NGFR: variants seen among roughly 807,000 people sequenced by gnomAD.
NGFR encodes tumor necrosis factor receptor superfamily member 16.
Under a neutral mutation model 43.2 loss-of-function variants are expected in NGFR, and 30 were observed. The observed-to-expected ratio is 0.69, with a 90% CI of 0.52 to 0.94. The LOEUF (loss-of-function observed/expected upper bound fraction) is 0.94, where lower values mean the gene tolerates loss of function less well. Ranked by LOEUF, NGFR falls within the 40% of genes least tolerant of loss-of-function variation. The pLI, the probability that NGFR is intolerant of heterozygous loss-of-function variation, is 0.00. For synonymous variants in NGFR, 246 were observed against 259.6 expected (o/e 0.95, Z 0.50); for missense variants, 529 against 602.5 (o/e 0.88, Z 1.28).
At chr17:49,504,449 G>A (rs994035363) in intron 2 of NGFR, among the ~76,000 whole-genome samples, 7 of 152,186 alleles carry the variant, frequency 4.6e-5, no homozygotes, top group Admixed American at 6.5e-5. Flanking sequence ...CCACCCCCAT[G>A]GGGCCCAATC....
In NGFR at chr17:49,513,140, T is replaced by A. The variant is rs1320365767; in HGVS notation, c.*131T>A. On this transcript the variant is annotated 3_prime_UTR_variant, in exon 6 of 6. Transcript: ENST00000172229. ...GAACTGAGCTCCTCTGGGCAGGACC[T>A]CAGAGTCCAGGCCCCAAAACCACAG... 3 of 1,016,616 alleles carry A rather than the reference T, an allele frequency of 3.0e-6. No individual in the cohort carries two copies. Among genetic ancestry groups the A allele is most frequent in the Non-Finnish European group, 2.8e-6 (2 of 720,074 alleles). The allele number at this position is 1,016,616 out of a possible 1,614,324, so 63.0% of individuals were successfully genotyped here.
At chr17:49,506,055 G>A in intron 2 of NGFR, 3 of 649,362 alleles carry the variant, frequency 4.6e-6, no homozygotes, top group South Asian at 3.5e-5. Flanking sequence ...AAAGCCTCCC[G>A]GCCGGCCAGT....
At chr17:49,511,792 G>T (rs1025321363) in intron 4 of NGFR, 100 bp from the exon 5 acceptor site, 164 of 1,370,876 alleles carry the variant, frequency 1.2e-4, no homozygotes, top group Non-Finnish European at 1.5e-4. Context: ...TTGGGCACCC[G>T]CCATGCCCCT....
chr17:49,511,962 G>A lies in NGFR; in HGVS notation c.892G>A (p.Gly298Arg), dbSNP rs139863693. ...RPVNQTPPPE[G>R]EKLHSDSGIS... ...AGTGAACCAGACGCCCCCACCAGAG[G>A]GAGAAAAACTCCACAGCGACAGTGG... The change falls in exon 5 of 6, where the codon GGA becomes AGA. Residue 298 changes from glycine (G) to arginine (R), a missense_variant. By Grantham distance (125) the Gly-to-Arg change is moderately radical. Coordinates refer to ENST00000172229, the MANE Select transcript of NGFR (RefSeq NM_002507.4). 2.4e-5 allele frequency: 39 copies of A among 1,613,538 alleles called. No homozygotes were observed. Among genetic ancestry groups the A allele is most frequent in the Non-Finnish European group, 3.2e-5 (38 of 1,179,864 alleles).
Position 49,514,873 on chromosome 17 carries a change from G to A in NGFR, c.*1864G>A, listed in dbSNP as rs1248600684. ...GAACCCTTTTGGCCCCCGAGCTGGG[G>A]GCCATGAGCTCCAGACCCCCAGCAA... On this transcript the variant is annotated 3_prime_UTR_variant, in exon 6 of 6. Transcript: ENST00000172229. 6.6e-6 allele frequency: 1 copy of A among 151,832 alleles called. No individual in the cohort carries two copies. The allele number at this position is 151,832 out of a possible 1,614,324, so 9.4% of individuals were successfully genotyped here. A position where few individuals can be genotyped will look rare whatever the true frequency, so the allele number is the denominator to read the frequency against.
rs1446727791 is a variant in NGFR, at chr17:49,512,614, AC to A, written c.983-93del. The A allele has an allele frequency of 6.9e-7, 1 of 1,449,136 alleles. No individual in the cohort carries two copies. The highest frequency in any genetic ancestry group is 9.3e-7 in the Non-Finnish European group (1 of 1,077,428). The allele number at this position is 1,449,136 out of a possible 1,614,324, so 89.8% of individuals were successfully genotyped here. ...CCCAGGCCTCCAGATGGGGAGGAGC[AC>A]TGCCTCGGCCCTTCTTGGGTCTCAC... On this transcript the variant is annotated intron_variant, in intron 5 of 5. Coordinates refer to ENST00000172229, the MANE Select transcript of NGFR (RefSeq NM_002507.4). This position sits in a 1 kb window ranked among gnomAD's most constrained non-coding sequence, Gnocchi z 5.2.
Position 49,506,642 on chromosome 17 carries a change from C to A in NGFR, c.552C>A (p.Ala184=). The change falls in exon 3 of 6, where the codon GCC becomes GCA. Residue 184 remains alanine, a synonymous_variant. Transcript: ENST00000172229. ...ERQLRECTRW[A]DAECEEIPGR... ...AGCTCCGCGAGTGCACACGCTGGGC[C>A]GACGCCGAGTGCGAGGGTGAGTGCG... is the stretch of plus-strand genomic sequence containing the variant. 1 of 1,439,446 alleles carries A rather than the reference C, an allele frequency of 6.9e-7. No homozygotes were observed. The highest frequency in any genetic ancestry group is 9.3e-7 in the Non-Finnish European group (1 of 1,078,208). The allele number at this position is 1,439,446 out of a possible 1,614,324, so 89.2% of individuals were successfully genotyped here.
chr17:49,512,119 A>G lies in NGFR; in HGVS notation c.982+67A>G. 3.2e-6 allele frequency: 5 copies of G among 1,554,832 alleles called. No individual in the cohort carries two copies. Among genetic ancestry groups the G allele is most frequent in the Non-Finnish European group, 4.4e-6 (5 of 1,147,928 alleles). On this transcript the variant is annotated intron_variant, in intron 5 of 5. Coordinates refer to ENST00000172229, the MANE Select transcript of NGFR (RefSeq NM_002507.4). This position sits in a 1 kb window ranked among gnomAD's most constrained non-coding sequence, Gnocchi z 5.2. ...TGAGGAAACAGAAGCAATTAAGATT[A>G]GACTCCAGGAAGGACTGTCGGGGGG...
At position 49,514,534 on chromosome 17, in the gene NGFR, C is replaced by T. The variant is rs975406258; in HGVS notation, c.*1525C>T. ...TTGCCTGAAGTTGGAGTGAGTGTGG[C>T]TCCCCTCTATTTAGCATGACAAGCC... On this transcript the variant is annotated 3_prime_UTR_variant, in exon 6 of 6. Transcript: ENST00000172229. 2 of 152,266 alleles carry T rather than the reference C, an allele frequency of 1.3e-5. No individual in the cohort carries two copies. Among genetic ancestry groups the T allele is most frequent in the African/African-American group, 4.8e-5 (2 of 41,434 alleles). 9.4% of individuals were successfully genotyped at this position (152,266 alleles called of 1,614,324 possible). A position where few individuals can be genotyped will look rare whatever the true frequency, so the allele number is the denominator to read the frequency against.
Position 49,512,877 on chromosome 17 carries a change from C to T in NGFR, c.1152C>T (p.Arg384=), listed in dbSNP as rs201140464. The change falls in exon 6 of 6, where the codon CGC becomes CGT. Residue 384 remains arginine, a synonymous_variant. Coordinates refer to ENST00000172229, the MANE Select transcript of NGFR (RefSeq NM_002507.4). The surrounding 1 kb of genome is among the most constrained non-coding windows in gnomAD (Gnocchi z 5.2). ...TTACCCATGAGGCCTGCCCCGTTCG[C>T]GCCCTGCTTGCAAGCTGGGCCACCC... ...DSFTHEACPV[R]ALLASWATQD... The T allele has an allele frequency of 7.4e-6, 12 of 1,613,248 alleles. No individual in the cohort carries two copies. The highest frequency in any genetic ancestry group is 4.5e-5 in the East Asian group (2 of 44,876).
In NGFR at chr17:49,502,050, T is replaced by C; in HGVS notation, c.67-13T>C. Reference sequence around the variant, plus strand: ...CTCTTGCCAGTCTGACCCTCCGATCTCCCTCCATCCAGGTGTCCCTTGGAG... The same window carrying C: ...CTCTTGCCAGTCTGACCCTCCGATCCCCCTCCATCCAGGTGTCCCTTGGAG... On this transcript the variant is annotated splice_polypyrimidine_tract_variant and intron_variant, in intron 1 of 5. Transcript: ENST00000172229. 2 of 1,213,142 alleles carry C rather than the reference T, an allele frequency of 1.6e-6. No homozygotes were observed. The highest frequency in any genetic ancestry group is 2.1e-6 in the Non-Finnish European group (2 of 930,954). 75.1% of individuals were successfully genotyped at this position (1,213,142 alleles called of 1,614,324 possible).
rs2071247681 is a variant in NGFR at position 49,513,325 on chromosome 17, A to G, written c.*316A>G. 1 of 385,384 alleles carries G rather than the reference A, an allele frequency of 2.6e-6. No homozygotes were observed. The highest frequency in any genetic ancestry group is 4.7e-6 in the Non-Finnish European group (1 of 212,680). 23.9% of individuals were successfully genotyped at this position (385,384 alleles called of 1,614,324 possible). On this transcript the variant is annotated 3_prime_UTR_variant, in exon 6 of 6. Transcript: ENST00000172229. ...ACTGCTAGGTGGGCCAGCCCCTCCC[A>G]CCACAGCAGGTGTCATATATGGGGG...
chr17:49,506,671 CGGGGGGCGGGGGGAGTG>C lies in NGFR; in HGVS notation c.568+18_568+34del. 2.6e-5 allele frequency: 3 copies of C among 116,628 alleles called. No homozygotes were observed. Among genetic ancestry groups the C allele is most frequent in the Non-Finnish European group, 3.1e-5 (3 of 95,798 alleles). The allele number at this position is 116,628 out of a possible 1,614,324, so 7.2% of individuals were successfully genotyped here. ...GCCGAGTGCGAGGGTGAGTGCGGTT[CGGGGGGCGGGGGGAGTG>C]GGGGTGCGGGGGTGGGCTGGGGGCA... On this transcript the variant is annotated intron_variant, in intron 3 of 5. Transcript: ENST00000172229.
chr17:49,505,426 G>T (rs916279903), intron 2 of NGFR, among the ~76,000 whole-genome samples: 1 of 152,180 alleles, frequency 6.6e-6, no homozygotes, highest in Non-Finnish European at 1.5e-5. Context: ...TCCCCTCCCT[G>T]TACAAGGAGG....
intron 2 of NGFR, 48 bp from the exon 3 acceptor site, chr17:49,506,251 G>A (rs540251731): frequency 1.3e-6 from 2 of 1,509,228 alleles, no homozygotes; most frequent in African/African-American, 1.4e-5. Flanking sequence ...CCTGCGTCCC[G>A]GGTGCCCAAA....
At chr17:49,496,822 C>A (rs1219181406) in intron 1 of NGFR, 1 of 152,224 alleles carries the variant, frequency 6.6e-6, no homozygotes, top group Admixed American at 6.5e-5. Flanking sequence ...CCCGGGCCAC[C>A]GACTCGGCAA....
In NGFR at chr17:49,495,624, C is replaced by A; in HGVS notation, c.66+141C>A. 1 of 734,554 alleles carries A rather than the reference C, an allele frequency of 1.4e-6. No individual in the cohort carries two copies. The highest frequency in any genetic ancestry group is 4.3e-5 in the Admixed American group (1 of 23,036). The allele number at this position is 734,554 out of a possible 1,614,324, so 45.5% of individuals were successfully genotyped here. ...GGGTGGTGGGAAAGGACCTCTGATG[C>A]CGGGACCACGAAGGAGGGTCTAGGG... On this transcript the variant is annotated intron_variant, in intron 1 of 5. Transcript: ENST00000172229. The surrounding 1 kb of genome is among the most constrained non-coding windows in gnomAD (Gnocchi z 6.4).
In NGFR at chr17:49,514,676, G is replaced by A. The variant is rs1242547662; in HGVS notation, c.*1667G>A. The stretch of plus-strand genomic sequence containing the variant: ...ATTCTTTGACCTCAACCTGTGATGA[G>A]GGGAGGAAACTCACCTGCTGGCCCC... On this transcript the variant is annotated 3_prime_UTR_variant, in exon 6 of 6. Coordinates refer to ENST00000172229, the MANE Select transcript of NGFR (RefSeq NM_002507.4). 1 of 152,218 alleles carries A rather than the reference G, an allele frequency of 6.6e-6. No homozygotes were observed. The highest frequency in any genetic ancestry group is 1.5e-5 in the Non-Finnish European group (1 of 68,058). The allele number at this position is 152,218 out of a possible 1,614,324, so 9.4% of individuals were successfully genotyped here.
chr17:49,507,675 C>T (rs2071208123), intron 3 of NGFR, among the ~76,000 whole-genome samples: 1 of 152,154 alleles, frequency 6.6e-6, no homozygotes, highest in Non-Finnish European at 1.5e-5. Flanking sequence ...ACATCCTGTC[C>T]ATCATCCTGT....
Sources: gnomAD v4.1 joint callset for allele counts (sites outside exome capture counted in the v4.1 genomes callset) on GRCh38, gnomAD v4.1.1 for gene constraint, Gnocchi (gnomAD v3.1) non-coding constraint, MANE v1.5 for transcripts, NCBI Gene and HGNC (gene_info 2026-07-23, HGNC 2026-07-21) for gene names.